Variants in ARHGAP6 observed in about 807,000 individuals in gnomAD.
ARHGAP6 encodes rho GTPase-activating protein 6.
ARHGAP6 carries 16 observed loss-of-function variants against 55.7 expected under a neutral mutation model. That is an observed-to-expected ratio of 0.29 (90% CI 0.19 to 0.44). The LOEUF (loss-of-function observed/expected upper bound fraction) is 0.44. Ranked by LOEUF, ARHGAP6 falls within the 20% of genes least tolerant of loss-of-function variation. The pLI, the probability that ARHGAP6 is intolerant of heterozygous loss-of-function variation, is 1.00. For missense variants in ARHGAP6, 698 were observed against 808.9 expected (o/e 0.86, Z 1.66); for synonymous variants, 382 against 360.9 (o/e 1.06, Z -0.66).
At position 11,238,694 on chromosome X, in the gene ARHGAP6, C is replaced by A. The variant is rs146921620; in HGVS notation, c.748+15854G>T. On this transcript the variant is annotated intron_variant, in intron 2 of 12. Transcript: ENST00000337414. ...TTCCATTTGGTTGTATTCTGTCTTGCACCCCTCCACTTTGTGAGAAACCAG... is the reference window on the plus strand; with the variant it reads ...TTCCATTTGGTTGTATTCTGTCTTGAACCCCTCCACTTTGTGAGAAACCAG... Among the ~76,000 whole-genome samples, 56 of 111,832 alleles carry A rather than the reference C, an allele frequency of 5.0e-4. No homozygotes were observed. In the East Asian group the frequency reaches 0.014, roughly 28 times the overall value.
At position 11,531,076 on chromosome X, in the gene ARHGAP6, G is replaced by A. The variant is rs778951212; in HGVS notation, c.588+133165C>T. Among the ~76,000 whole-genome samples the A allele has an allele frequency of 2.7e-5, 3 of 112,161 alleles. No individual in the cohort carries two copies. In the South Asian group the frequency reaches 1.1e-3, roughly 42 times the overall value. ...TGAACAAGTGAATGGATAGATGAAT[G>A]AATTAATATATTCATACAGGGCTTT... is the stretch of plus-strand genomic sequence containing the variant. On this transcript the variant is annotated intron_variant, in intron 1 of 12. Transcript: ENST00000337414.
chrX:11,255,430 T>C (rs2047482277), intron 1 of ARHGAP6, among the ~76,000 whole-genome samples: 1 of 110,210 alleles, frequency 9.1e-6, no homozygotes, highest in African/African-American at 3.3e-5. Context: ...TATGAGAATA[T>C]ATTATAATAG....
chrX:11,635,480 T>C (rs913982581), intron 1 of ARHGAP6, among the ~76,000 whole-genome samples: 2 of 111,771 alleles, frequency 1.8e-5, no homozygotes, highest in Non-Finnish European at 3.8e-5. Flanking sequence ...AAAATTTAAT[T>C]ATAATTTTGC....
chrX:11,274,238 C>T (rs1434445040), intron 1 of ARHGAP6, among the ~76,000 whole-genome samples: 5 of 111,915 alleles, frequency 4.5e-5, no homozygotes, highest in African/African-American at 1.3e-4. Context: ...TAATAAATTA[C>T]TTCTAACACA....
At chrX:11,561,794 G>A (rs769971809) in intron 1 of ARHGAP6, among the ~76,000 whole-genome samples, 1 of 112,308 alleles carries the variant, frequency 8.9e-6, no homozygotes, top group East Asian at 2.8e-4. Flanking sequence ...TGTCAAAGAA[G>A]GGAAGCTGCA....
At chrX:11,639,586 C>T (rs1396035642) in intron 1 of ARHGAP6, among the ~76,000 whole-genome samples, 1 of 110,929 alleles carries the variant, frequency 9.0e-6, no homozygotes, top group Non-Finnish European at 1.9e-5. Flanking sequence ...TGTATATGTG[C>T]CACAAAAAAA....
chrX:11,195,389 A>G (rs752448796), intron 3 of ARHGAP6, among the ~76,000 whole-genome samples: 3 of 110,508 alleles, frequency 2.7e-5, no homozygotes, highest in Non-Finnish European at 5.7e-5. Flanking sequence ...GACTGCGTCA[A>G]TGGGGCTCAG....
intron 1 of ARHGAP6, among the ~76,000 whole-genome samples, chrX:11,466,849 T>G (rs1194080514): frequency 8.9e-6 from 1 of 112,148 alleles, no homozygotes; most frequent in Non-Finnish European, 1.9e-5. Context: ...TTTCTTACAG[T>G]AAGGCAGAAT....
chrX:11,201,644 T>C (rs1185623414), intron 2 of ARHGAP6, among the ~76,000 whole-genome samples: 1 of 111,898 alleles, frequency 8.9e-6, no homozygotes, highest in Non-Finnish European at 1.9e-5. Context: ...TGGGGAGGCC[T>C]CAGGAAACTT....
intron 1 of ARHGAP6, among the ~76,000 whole-genome samples, chrX:11,356,744 GATATA>G (rs1298065915): frequency 6.3e-5 from 7 of 110,974 alleles, no homozygotes; most frequent in Non-Finnish European, 1.3e-4. Context: ...AACATATTTT[GATATA>G]ATATAAAATA....
chrX:11,603,127 T>C (rs1411554716), intron 1 of ARHGAP6, among the ~76,000 whole-genome samples: 1 of 111,942 alleles, frequency 8.9e-6, no homozygotes, highest in Non-Finnish European at 1.9e-5. Context: ...GTGGAATTTC[T>C]GCCCTGGAAA....
At chrX:11,289,203 T>C (rs2047956143) in intron 1 of ARHGAP6, among the ~76,000 whole-genome samples, 1 of 96,642 alleles carries the variant, frequency 1.0e-5, no homozygotes, top group African/African-American at 4.1e-5. Context: ...AAAAGGGCTC[T>C]CTCACTTTAA....
rs190137335 is a variant in ARHGAP6 at position 11,396,396 on chromosome X, A to G, written c.589-141689T>C. On this transcript the variant is annotated intron_variant, in intron 1 of 12. Coordinates refer to ENST00000337414, the MANE Select transcript of ARHGAP6 (RefSeq NM_013427.3). ...AATTGCCCTTCTTACACCCAGAAGC[A>G]TCAAAGAGAGGTCTGGGGATGACTG... Among the ~76,000 whole-genome samples, 19 of 111,399 alleles carry G rather than the reference A, an allele frequency of 1.7e-4. 1 individual carries two copies. In the East Asian group the frequency reaches 4.8e-3, roughly 28 times the overall value.
At chrX:11,515,713 T>C (rs2050831974) in intron 1 of ARHGAP6, among the ~76,000 whole-genome samples, 1 of 112,574 alleles carries the variant, frequency 8.9e-6, no homozygotes, top group African/African-American at 3.2e-5. Flanking sequence ...ATCTTGTTTA[T>C]TACAAAATGA....
chrX:11,512,711 C>T (rs1238994803), intron 1 of ARHGAP6, among the ~76,000 whole-genome samples: 1 of 111,375 alleles, frequency 9.0e-6, no homozygotes, highest in Non-Finnish European at 1.9e-5. Context: ...TGGAAAAGAA[C>T]CCAGTTTTCT....
chrX:11,235,249 C>T (rs1464674543), intron 2 of ARHGAP6, among the ~76,000 whole-genome samples: 2 of 113,339 alleles, frequency 1.8e-5, no homozygotes, highest in Admixed American at 1.9e-4. Context: ...ATGTAAGCTG[C>T]CAAGGCTTGG....
chrX:11,406,939 T>C (rs1381232641), intron 1 of ARHGAP6, among the ~76,000 whole-genome samples: 1 of 110,366 alleles, frequency 9.1e-6, no homozygotes, highest in African/African-American at 3.3e-5. Context: ...AGACCATGCA[T>C]GTCTAGCATT....
intron 1 of ARHGAP6, among the ~76,000 whole-genome samples, chrX:11,255,042 G>A (rs910929049): frequency 1.8e-5 from 2 of 111,417 alleles, no homozygotes; most frequent in Admixed American, 9.6e-5. Context: ...GAAACACTGT[G>A]CTGCTGCTAA....
intron 1 of ARHGAP6, among the ~76,000 whole-genome samples, chrX:11,479,444 C>A (rs1221309264): frequency 9.0e-6 from 1 of 111,654 alleles, no homozygotes; most frequent in African/African-American, 3.3e-5. Context: ...ATACATTCAG[C>A]TGCTTAGGAA....
Sources: gnomAD v4.1 joint callset for allele counts (sites outside exome capture counted in the v4.1 genomes callset) on GRCh38, gnomAD v4.1.1 for gene constraint, MANE v1.5 for transcripts, NCBI Gene and HGNC (gene_info 2026-07-23, HGNC 2026-07-21) for gene names.